The following RAP1GDS1 variants were observed in gnomAD, a reference collection of about 807,000 sequenced individuals.
RAP1GDS1 encodes the protein Rap1 GTPase-GDP dissociation stimulator 1, also known as RAP1, GTP-GDP dissociation stimulator 1.
In RAP1GDS1, 35 loss-of-function variants were observed where a neutral mutation model predicts 71.1. The observed-to-expected ratio is 0.49, with a 90% confidence interval of 0.38 to 0.65. The LOEUF is 0.65. RAP1GDS1 is among the 30% of genes least tolerant of loss of function. The probability of loss-of-function intolerance (pLI) is 0.00; values close to 1 mark genes in which losing one functional copy is unlikely to be tolerated. For synonymous variants in RAP1GDS1, 229 were observed against 243.1 expected (o/e 0.94, Z 0.54); for missense variants, 663 against 706.1 (o/e 0.94, Z 0.69).
intron 2 of RAP1GDS1, among the ~76,000 whole-genome samples, chr4:98,298,911 C>T (rs1013374414): frequency 3.3e-5 from 5 of 151,448 alleles, no homozygotes; most frequent in Non-Finnish European, 7.4e-5. Flanking sequence ...AAAATATCAA[C>T]TTTTTTTTTA....
chr4:98,303,569 C>A (rs370611316), intron 2 of RAP1GDS1, among the ~76,000 whole-genome samples: 3 of 148,620 alleles, frequency 2.0e-5, no homozygotes, highest in East Asian at 3.9e-4. Flanking sequence ...AAGACTTGGG[C>A]CAGTCAGTGT....
intron 1 of RAP1GDS1, among the ~76,000 whole-genome samples, chr4:98,288,035 T>G (rs950949903): frequency 1.3e-5 from 2 of 152,134 alleles, no homozygotes; most frequent in Non-Finnish European, 2.9e-5. Context: ...TTCTTATTTG[T>G]TTTTCTTTTT....
rs1735732866 is a variant in RAP1GDS1, at chr4:98,343,122, G to A, written c.113-17G>A. 3 of 1,595,972 alleles carry A rather than the reference G, an allele frequency of 1.9e-6. No homozygotes were observed. The highest frequency in any genetic ancestry group is 2.6e-6 in the Non-Finnish European group (3 of 1,170,160). On this transcript the variant is annotated splice_polypyrimidine_tract_variant and intron_variant, in intron 2 of 14. Transcript: ENST00000408927. Reference sequence around the variant, plus strand: ...TTAAAGATTTTCACTGAAGCTCTTTGTATGTATCTCTTTTAGATACGGAAA... The same window carrying A: ...TTAAAGATTTTCACTGAAGCTCTTTATATGTATCTCTTTTAGATACGGAAA...
At chr4:98,296,950 A>G (rs894812388) in intron 2 of RAP1GDS1, 2 of 336,978 alleles carry the variant, frequency 5.9e-6, no homozygotes, top group Middle Eastern at 7.3e-4. Flanking sequence ...CGGGGGGACC[A>G]TAAAGTGTGC....
intron 2 of RAP1GDS1, among the ~76,000 whole-genome samples, chr4:98,327,115 A>G (rs1245652592): frequency 6.6e-6 from 1 of 152,212 alleles, no homozygotes; most frequent in East Asian, 1.9e-4. Flanking sequence ...TATTACTTCC[A>G]GTATATCCTA....
In RAP1GDS1 at chr4:98,437,081, C is replaced by T. The variant is rs542514353; in HGVS notation, c.1696+13C>T. ...CTTATGGGATCTGGTAAGTATTCTTCTATCATTTGATGTCCATAAACATAT... is the reference window on the plus strand; with the variant it reads ...CTTATGGGATCTGGTAAGTATTCTTTTATCATTTGATGTCCATAAACATAT... On this transcript the variant is annotated intron_variant, in intron 14 of 14. Coordinates refer to ENST00000408927, the MANE Select transcript of RAP1GDS1 (RefSeq NM_001100427.2). 42 of 1,575,802 alleles carry T rather than the reference C, an allele frequency of 2.7e-5. No individual in the cohort carries two copies. The South Asian group carries it at 4.9e-4, about 18-fold the overall frequency.
chr4:98,319,251 A>C (rs903600067), intron 2 of RAP1GDS1, among the ~76,000 whole-genome samples: 25 of 152,226 alleles, frequency 1.6e-4, no homozygotes, highest in Non-Finnish European at 2.6e-4. Context: ...TGAATCTAGT[A>C]ACTTTCTTTT....
At chr4:98,379,441 C>A in intron 5 of RAP1GDS1, 1 of 233,714 alleles carries the variant, frequency 4.3e-6, no homozygotes, top group Non-Finnish European at 8.1e-6. Flanking sequence ...TTACTGTGAA[C>A]ATTTTAAAAA....
At chr4:98,379,766 A>G (rs1016264872) in intron 5 of RAP1GDS1, among the ~76,000 whole-genome samples, 2 of 151,914 alleles carry the variant, frequency 1.3e-5, no homozygotes, top group African/African-American at 4.8e-5. Context: ...AATCTGTGAT[A>G]TTAAGGCTTC....
chr4:98,352,440 G>A (rs771600445), intron 3 of RAP1GDS1, 36 bp from the exon 4 acceptor site: 45 of 1,600,476 alleles, frequency 2.8e-5, no homozygotes, highest in Admixed American at 8.4e-5. Flanking sequence ...ATTGTGAATC[G>A]TTAGATTTTT....
rs75090103 is a variant in RAP1GDS1 at position 98,403,046 on chromosome 4, A to C, written c.638-1431A>C. Among the ~76,000 whole-genome samples, 2,577 of 152,228 alleles carry C rather than the reference A, an allele frequency of 0.017. 155 individuals carry two copies. The East Asian group carries it at 0.23, about 13-fold the overall frequency. On this transcript the variant is annotated intron_variant, in intron 6 of 14. Transcript: ENST00000408927. ...GAAAGAGCATTTTCAGACAATCAGT[A>C]TTTTCAAAATGTCTACCTCCTACAT...
chr4:98,298,967 T>C (rs1376420969), intron 2 of RAP1GDS1, among the ~76,000 whole-genome samples: 2 of 152,200 alleles, frequency 1.3e-5, no homozygotes, highest in African/African-American at 4.8e-5. Flanking sequence ...TGCAGGTTTG[T>C]TACATAGGTA....
chr4:98,421,152 G>T, intron 11 of RAP1GDS1, 103 bp from the exon 12 acceptor site: 1 of 1,247,340 alleles, frequency 8.0e-7, no homozygotes, highest in African/African-American at 1.5e-5. Context: ...AAATTGTCGT[G>T]CTGTGTTTTT....
In RAP1GDS1 at chr4:98,420,066, T is replaced by G. The variant is rs1748593639; in HGVS notation, c.1222T>G (p.Leu408Val). The G allele has an allele frequency of 6.2e-7, 1 of 1,607,366 alleles. No individual in the cohort carries two copies. The highest frequency in any genetic ancestry group is 8.5e-7 in the Non-Finnish European group (1 of 1,176,384). ...ATCAGCTGGGGTCACAGAGGCAGTTTTGAAATTTCTTAAATCTGAAATGCC... is the reference window on the plus strand; with the variant it reads ...ATCAGCTGGGGTCACAGAGGCAGTTGTGAAATTTCTTAAATCTGAAATGCC... ...MLSAGVTEAV[L>V]KFLKSEMPPV... The change falls in exon 11 of 15, where the codon TTG becomes GTG. Residue 408 changes from leucine (L) to valine (V), a missense_variant. Transcript: ENST00000408927.
intron 1 of RAP1GDS1, among the ~76,000 whole-genome samples, chr4:98,265,998 C>T (rs958065204): frequency 6.6e-6 from 1 of 152,076 alleles, no homozygotes; most frequent in Non-Finnish European, 1.5e-5. Context: ...CTGTATTTCT[C>T]ACCTTGTTTA....
chr4:98,437,879 A>G (rs1014926979), intron 14 of RAP1GDS1, among the ~76,000 whole-genome samples: 7 of 152,008 alleles, frequency 4.6e-5, no homozygotes, highest in Admixed American at 1.3e-4. Flanking sequence ...TTCTATGGAC[A>G]CCTGAAAAGA....
At chr4:98,389,898 A>G (rs1423017124) in intron 5 of RAP1GDS1, among the ~76,000 whole-genome samples, 4 of 152,038 alleles carry the variant, frequency 2.6e-5, no homozygotes, top group Non-Finnish European at 5.9e-5. Context: ...GGACTGTTGG[A>G]TTTTTCATAG....
At chr4:98,351,872 G>C (rs1291742746) in intron 3 of RAP1GDS1, among the ~76,000 whole-genome samples, 2 of 151,896 alleles carry the variant, frequency 1.3e-5, no homozygotes, top group Non-Finnish European at 2.9e-5. Context: ...AGATATGAGT[G>C]AGCCATAAAA....
intron 4 of RAP1GDS1, among the ~76,000 whole-genome samples, chr4:98,353,031 C>T (rs1038974062): frequency 2.6e-4 from 39 of 152,160 alleles, no homozygotes; most frequent in African/African-American, 9.2e-4. Context: ...AAAAACCATT[C>T]TCTTCTCAAA....
Sources: gnomAD v4.1 joint callset for allele counts (sites outside exome capture counted in the v4.1 genomes callset) on GRCh38, gnomAD v4.1.1 for gene constraint, MANE v1.5 for transcripts, NCBI Gene and HGNC (gene_info 2026-07-23, HGNC 2026-07-21) for gene names.